HTR3B: variants seen among roughly 807,000 people sequenced by gnomAD.
The protein encoded by HTR3B is 5-hydroxytryptamine receptor 3B.
HTR3B carries 44 observed loss-of-function variants against 42.8 expected under a neutral mutation model. That is an observed-to-expected ratio of 1.03 (90% CI 0.81 to 1.32). HTR3B has a LOEUF of 1.32. HTR3B is among the 40% of genes most tolerant of loss of function. The pLI, the probability that HTR3B is intolerant of heterozygous loss-of-function variation, is 0.00. For missense variants in HTR3B, 527 were observed against 536.5 expected (o/e 0.98, Z 0.17); for synonymous variants, 203 against 209.0 (o/e 0.97, Z 0.25).
intron 2 of HTR3B, among the ~76,000 whole-genome samples, chr11:113,917,340 C>A (rs1024968925): frequency 5.9e-5 from 9 of 151,980 alleles, no homozygotes; most frequent in Non-Finnish European, 1.2e-4. Context: ...ACCATGTTGG[C>A]CAGGCTGGTC....
intron 6 of HTR3B, among the ~76,000 whole-genome samples, chr11:113,938,112 T>C (rs1322239216): frequency 6.6e-6 from 1 of 152,086 alleles, no homozygotes. Context: ...CACATTGGAT[T>C]AAGGGCCCAC....
Position 113,945,912 on chromosome 11 carries a change from G to C in HTR3B, c.1101G>C (p.Leu367=). The C allele has an allele frequency of 1.2e-6, 2 of 1,613,732 alleles. No homozygotes were observed. Among genetic ancestry groups the C allele is most frequent in the Non-Finnish European group, 1.7e-6 (2 of 1,179,628 alleles). Residue 367 remains leucine (L), a synonymous_variant, in exon 9 of 9, where the codon CTG becomes CTC. Coordinates refer to ENST00000260191, the MANE Select transcript of HTR3B (RefSeq NM_006028.5). ...TCCTCCATCACACAGAGTCCTCGCT[G>C]TATGGAGAGCACCTGGCCCAGCCAG... The part of the protein sequence containing the change: ...AQRAVVTESS[L]YGEHLAQPGT...
upstream of HTR3B, among the ~76,000 whole-genome samples, chr11:113,901,742 C>T (rs1949698949): frequency 6.6e-6 from 1 of 152,126 alleles, no homozygotes; most frequent in Non-Finnish European, 1.5e-5. Context: ...AATGGCCTTC[C>T]AGTAACAGAT....
chr11:113,930,880 T>TA (rs1950028335), intron 2 of HTR3B, among the ~76,000 whole-genome samples: 1 of 152,218 alleles, frequency 6.6e-6, no homozygotes, highest in Non-Finnish European at 1.5e-5. Context: ...TTATATCATT[T>TA]AAAATATGTT....
intron 2 of HTR3B, among the ~76,000 whole-genome samples, chr11:113,911,578 G>T (rs1949793845): frequency 6.6e-6 from 1 of 150,850 alleles, no homozygotes; most frequent in Non-Finnish European, 1.5e-5. Context: ...CCAGGCTGGA[G>T]TGCTGTGGCA....
upstream of HTR3B, among the ~76,000 whole-genome samples, chr11:113,901,080 G>A (rs760677920): frequency 1.3e-5 from 2 of 152,144 alleles, no homozygotes; most frequent in Non-Finnish European, 2.9e-5. Context: ...CTGTATGTAA[G>A]ATAGTGAGGA....
upstream of HTR3B, among the ~76,000 whole-genome samples, chr11:113,902,710 A>G (rs936594070): frequency 6.6e-6 from 1 of 152,202 alleles, no homozygotes; most frequent in Admixed American, 6.5e-5. Context: ...CCACATTACT[A>G]CCATCTAATC....
At chr11:113,908,216 T>C (rs894522165) in intron 1 of HTR3B, among the ~76,000 whole-genome samples, 1 of 152,208 alleles carries the variant, frequency 6.6e-6, no homozygotes, top group Non-Finnish European at 1.5e-5. Context: ...TGTTAAATCA[T>C]AGAAATTGCT....
rs1950052348 is a variant in HTR3B, at chr11:113,932,990, A to G, written c.593A>G (p.Lys198Arg). The G allele has an allele frequency of 6.2e-7, 1 of 1,614,052 alleles. No homozygotes were observed. Residue 198 changes from lysine (K) to arginine (R), a missense_variant, in exon 6 of 9, where the codon AAA (lysine) becomes AGA (arginine). By Grantham distance (26) the Lys-to-Arg change is conservative. Transcript: ENST00000260191. Reference protein sequence around the residue: ...LRSPEDIQHDKKAFLNDSEWE... With the variant: ...LRSPEDIQHDRKAFLNDSEWE... The stretch of plus-strand genomic sequence containing the variant: ...AGCCCAGAAGACATTCAGCATGACA[A>G]AAAGGCGTTTTTGAATGACAGTGAG...
At chr11:113,923,560 A>G (rs1010781694) in intron 2 of HTR3B, among the ~76,000 whole-genome samples, 3 of 152,224 alleles carry the variant, frequency 2.0e-5, no homozygotes, top group Admixed American at 2.0e-4. Flanking sequence ...GAACTGGAAA[A>G]GATAAATAAG....
intron 7 of HTR3B, among the ~76,000 whole-genome samples, chr11:113,943,822 G>A (rs927801203): frequency 2.0e-5 from 3 of 151,318 alleles, no homozygotes; most frequent in African/African-American, 7.3e-5. Flanking sequence ...GAAGGGGAGG[G>A]GAGGGGAAGG....
Position 113,922,175 on chromosome 11 carries a change from C to A in HTR3B, c.214-9209C>A, listed in dbSNP as rs115690165. Among the ~76,000 whole-genome samples, 1,006 of 152,244 alleles carry A rather than the reference C, an allele frequency of 6.6e-3. 12 individuals are homozygous for A. Among genetic ancestry groups the A allele is most frequent in the African/African-American group, 0.023 (969 of 41,560 alleles). On this transcript the variant is annotated intron_variant, in intron 2 of 8. Transcript: ENST00000260191. ...CATTTCTCCAAGGTAAGAGCACTTCCTTTAAATCCACTTAAGTCTGTGTGG... is the reference window on the plus strand; with the variant it reads ...CATTTCTCCAAGGTAAGAGCACTTCATTTAAATCCACTTAAGTCTGTGTGG...
At chr11:113,934,411 AAAG>A (rs1340800442) in intron 6 of HTR3B, among the ~76,000 whole-genome samples, 10 of 151,358 alleles carry the variant, frequency 6.6e-5, no homozygotes, top group Non-Finnish European at 1.5e-4. Context: ...AGAAAGAAAA[AAAG>A]AAAGAAAGAA....
At chr11:113,914,871 G>C (rs1163198637) in intron 2 of HTR3B, among the ~76,000 whole-genome samples, 1 of 152,104 alleles carries the variant, frequency 6.6e-6, no homozygotes, top group Non-Finnish European at 1.5e-5. Flanking sequence ...TAAAACTATA[G>C]GGGTCTGGAG....
chr11:113,914,330 G>A (rs960272004), intron 2 of HTR3B, among the ~76,000 whole-genome samples: 5 of 151,228 alleles, frequency 3.3e-5, no homozygotes, highest in Non-Finnish European at 7.4e-5. Flanking sequence ...CAGGTGTGGT[G>A]GTACATGCCT....
intron 2 of HTR3B, among the ~76,000 whole-genome samples, chr11:113,928,999 C>T (rs1395231494): frequency 1.3e-5 from 2 of 152,154 alleles, no homozygotes; most frequent in Admixed American, 6.5e-5. Flanking sequence ...CCTGTCCAAG[C>T]CCCTGCTTTC....
chr11:113,942,721 G>A (rs1313768292), intron 6 of HTR3B, among the ~76,000 whole-genome samples: 10 of 152,182 alleles, frequency 6.6e-5, no homozygotes, highest in Admixed American at 6.5e-4. Flanking sequence ...CACACAGCAA[G>A]TGGTAAGTAA....
chr11:113,947,863 G>A lies in HTR3B; in HGVS notation c.*1726G>A, dbSNP rs762778815. On this transcript the variant is annotated 3_prime_UTR_variant, in exon 9 of 9. Coordinates refer to ENST00000260191, the MANE Select transcript of HTR3B (RefSeq NM_006028.5). ...AAGTCCAGATTCTGCAGAGTAGGCT[G>A]GCAGGCTGGAGACCTGCTGACAGTC... is the stretch of plus-strand genomic sequence containing the variant. Among the ~76,000 whole-genome samples, 6 of 152,088 alleles carry A rather than the reference G, an allele frequency of 3.9e-5. No homozygotes were observed. The highest frequency in any genetic ancestry group is 2.1e-4 in the South Asian group (1 of 4,830).
chr11:113,903,037 C>A (rs894018690), upstream of HTR3B, among the ~76,000 whole-genome samples: 4 of 152,008 alleles, frequency 2.6e-5, no homozygotes, highest in African/African-American at 9.7e-5. Flanking sequence ...TTAAACTAAT[C>A]TTTTATTTTT....
Sources: allele counts gnomAD v4.1 joint callset (sites outside exome capture counted in the v4.1 genomes callset), GRCh38; gene constraint gnomAD v4.1.1; transcripts MANE v1.5; gene names NCBI Gene and HGNC (gene_info 2026-07-23, HGNC 2026-07-21).